Variants in CCSER1 observed in about 807,000 individuals in gnomAD.
CCSER1 encodes the protein serine-rich coiled-coil domain-containing protein 1.
CCSER1 carries 41 observed loss-of-function variants against 82.0 expected under a neutral mutation model. That is an observed-to-expected ratio of 0.50 (90% CI 0.39 to 0.65). The LOEUF (loss-of-function observed/expected upper bound fraction) is 0.65, where lower values mean the gene tolerates loss of function less well. Ranked by LOEUF, CCSER1 falls within the 30% of genes least tolerant of loss-of-function variation. CCSER1 has a pLI of 0.00. For missense variants in CCSER1, 1,119 were observed against 1,064.2 expected (o/e 1.05, Z -0.72); for synonymous variants, 414 against 383.9 (o/e 1.08, Z -0.92).
At chr4:90,748,396 A>G (rs1198496092) in intron 7 of CCSER1, among the ~76,000 whole-genome samples, 1 of 150,842 alleles carries the variant, frequency 6.6e-6, no homozygotes, top group African/African-American at 2.4e-5. Flanking sequence ...ATAGTATTCC[A>G]TGGCGTATAT....
intron 10 of CCSER1, among the ~76,000 whole-genome samples, chr4:91,388,930 T>C (rs940596372): frequency 3.3e-5 from 5 of 152,076 alleles, no homozygotes; most frequent in Non-Finnish European, 5.9e-5. Flanking sequence ...ACGTTTTAAT[T>C]GGATTGTTTT....
chr4:90,619,497 T>G (rs1344097034), intron 5 of CCSER1, among the ~76,000 whole-genome samples: 1 of 152,090 alleles, frequency 6.6e-6, no homozygotes, highest in Non-Finnish European at 1.5e-5. Flanking sequence ...CCCGCCAACC[T>G]GTGATATTTT....
chr4:91,442,281 T>C (rs901556423), intron 10 of CCSER1, among the ~76,000 whole-genome samples: 1 of 151,728 alleles, frequency 6.6e-6, no homozygotes, highest in Non-Finnish European at 1.5e-5. Context: ...GAGATATAGA[T>C]CAATGGAACA....
chr4:90,562,224 T>G (rs1043320546), intron 5 of CCSER1, among the ~76,000 whole-genome samples: 1 of 150,590 alleles, frequency 6.6e-6, no homozygotes. Flanking sequence ...AAATTCAAAG[T>G]CACACTGTGT....
At chr4:91,343,407 A>C (rs1426890700) in intron 10 of CCSER1, among the ~76,000 whole-genome samples, 1 of 152,154 alleles carries the variant, frequency 6.6e-6, no homozygotes, top group African/African-American at 2.4e-5. Context: ...TGATTTGTAC[A>C]TCAGAAAATC....
chr4:90,142,068 AT>A (rs1724895260), intron 1 of CCSER1, among the ~76,000 whole-genome samples: 2 of 152,128 alleles, frequency 1.3e-5, no homozygotes, highest in African/African-American at 4.8e-5. Context: ...CTAAATAGGT[AT>A]TTTTAATGCC....
At chr4:90,451,212 A>T (rs1009649312) in intron 4 of CCSER1, among the ~76,000 whole-genome samples, 4 of 152,126 alleles carry the variant, frequency 2.6e-5, no homozygotes, top group African/African-American at 7.2e-5. Context: ...GTCCAATGTG[A>T]GGAATTATTT....
chr4:90,638,531 A>G (rs1288485883), intron 6 of CCSER1, among the ~76,000 whole-genome samples: 1 of 152,190 alleles, frequency 6.6e-6, no homozygotes, highest in Non-Finnish European at 1.5e-5. Flanking sequence ...TTTACAAGGT[A>G]ACATAGTCTT....
chr4:91,514,310 A>C (rs558332176), intron 10 of CCSER1, among the ~76,000 whole-genome samples: 90 of 152,222 alleles, frequency 5.9e-4, no homozygotes, highest in African/African-American at 2.1e-3. Flanking sequence ...TTCCGCTGCA[A>C]TCCCAGAATA....
intron 10 of CCSER1, among the ~76,000 whole-genome samples, chr4:91,566,271 G>A (rs979791522): frequency 6.6e-6 from 1 of 152,088 alleles, no homozygotes; most frequent in African/African-American, 2.4e-5. Flanking sequence ...GCTTTTTGAT[G>A]TGCTGCTGGA....
chr4:90,193,784 T>C lies in CCSER1; in HGVS notation c.-42+65953T>C, dbSNP rs567558139. On this transcript the variant is annotated intron_variant, in intron 1 of 10. Coordinates refer to ENST00000509176, the MANE Select transcript of CCSER1 (RefSeq NM_001145065.2). ...ATTTGATAAAAAAGAAAAAACATGT[T>C]AAAACATAGATGAAGAAAATATCTA... is the stretch of plus-strand genomic sequence containing the variant. Among the ~76,000 whole-genome samples, 5 of 152,146 alleles carry C rather than the reference T, an allele frequency of 3.3e-5. No individual in the cohort carries two copies. The East Asian group carries it at 7.7e-4, about 24-fold the overall frequency.
At chr4:90,863,081 C>T (rs2149995212) in intron 8 of CCSER1, among the ~76,000 whole-genome samples, 1 of 151,092 alleles carries the variant, frequency 6.6e-6, no homozygotes, top group Admixed American at 6.6e-5. Context: ...TAATGCTATC[C>T]CTCCCCGCTC....
intron 3 of CCSER1, among the ~76,000 whole-genome samples, chr4:90,321,433 A>G (rs1005005819): frequency 6.6e-6 from 1 of 152,160 alleles, no homozygotes; most frequent in Non-Finnish European, 1.5e-5. Context: ...TATTGTGTGT[A>G]TGTACCACAT....
At chr4:91,080,260 AACTC>A (rs961750714) in intron 9 of CCSER1, among the ~76,000 whole-genome samples, 7 of 152,326 alleles carry the variant, frequency 4.6e-5, no homozygotes, top group African/African-American at 1.7e-4. Flanking sequence ...AGGATTAAGA[AACTC>A]ACTCAAAACC....
chr4:90,132,831 C>CTT (rs1419195316), intron 1 of CCSER1, among the ~76,000 whole-genome samples: 1 of 152,142 alleles, frequency 6.6e-6, no homozygotes, highest in Non-Finnish European at 1.5e-5. Context: ...TAAAGTTAAA[C>CTT]TTGATTAAAA....
rs184316368 is a variant in CCSER1, at chr4:91,438,614, C to T, written c.2218-159958C>T. On this transcript the variant is annotated intron_variant, in intron 10 of 10. Transcript: ENST00000509176. The stretch of plus-strand genomic sequence containing the variant: ...AAGGAACATAATTCATCACCAGCAA[C>T]GGAACAAAGCTGGATGGAGAATGAC... Among the ~76,000 whole-genome samples the T allele has an allele frequency of 1.2e-3, 182 of 152,292 alleles. No individual in the cohort carries two copies. In the East Asian group the frequency reaches 0.026, roughly 22 times the overall value.
At chr4:91,454,437 T>C (rs1432440785) in intron 10 of CCSER1, among the ~76,000 whole-genome samples, 2 of 152,042 alleles carry the variant, frequency 1.3e-5, no homozygotes, top group Non-Finnish European at 2.9e-5. Flanking sequence ...CCCTCCACCT[T>C]CTACTTATAA....
chr4:91,300,817 T>C (rs1744607297), intron 10 of CCSER1, among the ~76,000 whole-genome samples: 1 of 151,904 alleles, frequency 6.6e-6, no homozygotes, highest in Non-Finnish European at 1.5e-5. Flanking sequence ...ATATGATATA[T>C]TTGATAACTA....
At chr4:90,724,630 G>T in intron 7 of CCSER1, 1 of 369,090 alleles carries the variant, frequency 2.7e-6, no homozygotes, top group South Asian at 2.2e-5. Flanking sequence ...TGTTTGTACT[G>T]GGGTATTTAG....
Sources: gnomAD v4.1 joint callset for allele counts (sites outside exome capture counted in the v4.1 genomes callset) on GRCh38, gnomAD v4.1.1 for gene constraint, MANE v1.5 for transcripts, NCBI Gene and HGNC (gene_info 2026-07-23, HGNC 2026-07-21) for gene names.